The following VPS13A variants were observed in gnomAD, a reference collection of about 807,000 sequenced individuals.
VPS13A encodes the protein intermembrane lipid transfer protein VPS13A.
In VPS13A, 264 loss-of-function variants were observed where a neutral mutation model predicts 390.9. The observed-to-expected ratio is 0.68, with a 90% CI of 0.61 to 0.75. The LOEUF (loss-of-function observed/expected upper bound fraction) is 0.75. Ranked by LOEUF, VPS13A falls within the 30% of genes least tolerant of loss-of-function variation. The pLI is 0.00. For missense variants in VPS13A, 3,409 were observed against 3,733.9 expected (o/e 0.91, Z 2.27); for synonymous variants, 1,231 against 1,227.1 (o/e 1.00, Z -0.07).
In VPS13A at chr9:77,392,735, CTA is replaced by C. The variant is rs199883262; in HGVS notation, c.9190-10494_9190-10493del. 4.2e-3 allele frequency among the ~76,000 whole-genome samples: 627 copies of C among 148,326 alleles called. 7 individuals are homozygous for C. Among genetic ancestry groups the C allele is most frequent in the African/African-American group, 0.015 (590 of 40,382 alleles). On this transcript the variant is annotated intron_variant, in intron 68 of 71. Transcript: ENST00000360280. ...AAAACTATATATACACTATATAAAA[CTA>C]TATATAACTATATAAAACTATATAT...
intron 10 of VPS13A, 32 bp downstream of exon 10, chr9:77,214,418 TTAAAG>T: frequency 6.4e-7 from 1 of 1,559,544 alleles, no homozygotes; most frequent in South Asian, 1.1e-5. Flanking sequence ...AAAAAAGTAG[TTAAAG>T]TAATTGGTAT....
chr9:77,232,789 C>A (rs1823911292), intron 17 of VPS13A, among the ~76,000 whole-genome samples: 1 of 152,110 alleles, frequency 6.6e-6, no homozygotes, highest in South Asian at 2.1e-4. Flanking sequence ...CCCTCTTGAT[C>A]CAGTTACCTC....
In VPS13A at chr9:77,226,544, T is replaced by A. The variant is rs550188251; in HGVS notation, c.1303T>A (p.Trp435Arg). The change falls in exon 15 of 72, where the codon TGG becomes AGG. Residue 435 changes from tryptophan to arginine, a missense_variant. Physicochemically the swap from Trp to Arg is moderately radical, Grantham distance 101 (BLOSUM62 -3). Coordinates refer to ENST00000360280, the MANE Select transcript of VPS13A (RefSeq NM_033305.3). ...EDNKGWFSWL[W>R]SWSEQNTNEQ... is the part of the protein sequence containing the mutation. Reference sequence around the variant, plus strand: ...TAATAAAGGGTGGTTTAGCTGGCTATGGTCTTGGTCAGAACAAAATACTAA... The same window carrying A: ...TAATAAAGGGTGGTTTAGCTGGCTAAGGTCTTGGTCAGAACAAAATACTAA... 6.2e-7 allele frequency: 1 copy of A among 1,613,180 alleles called. No individual in the cohort carries two copies. Among genetic ancestry groups the A allele is most frequent in the Non-Finnish European group, 8.5e-7 (1 of 1,179,508 alleles).
chr9:77,356,689 TATG>T (rs779912734), intron 54 of VPS13A, 22 bp from the exon 55 acceptor site: 3 of 1,582,392 alleles, frequency 1.9e-6, no homozygotes, highest in Non-Finnish European at 2.6e-6. Context: ...TATTAAATAC[TATG>T]ATTTTTGCTT....
At chr9:77,356,357 C>T (rs1036349510) in intron 54 of VPS13A, among the ~76,000 whole-genome samples, 2 of 152,128 alleles carry the variant, frequency 1.3e-5, no homozygotes, top group African/African-American at 4.8e-5. Flanking sequence ...TGCAGTTCTC[C>T]GGATCCCCCT....
At chr9:77,411,241 G>A (rs1338508671) in intron 71 of VPS13A, among the ~76,000 whole-genome samples, 10 of 152,074 alleles carry the variant, frequency 6.6e-5, no homozygotes, top group East Asian at 1.9e-4. Context: ...TGAAACCAAC[G>A]AGAACAAAGA....
intron 71 of VPS13A, among the ~76,000 whole-genome samples, chr9:77,410,769 T>C (rs1313450908): frequency 4.6e-5 from 7 of 152,062 alleles, no homozygotes; most frequent in Non-Finnish European, 1.0e-4. Context: ...ATGCACCCAA[T>C]ACAGGAGCAC....
Position 77,339,540 on chromosome 9 carries a change from C to CT in VPS13A, c.6404dup (p.Ser2136LysfsTer2), listed in dbSNP as rs951347128. On this transcript the variant is annotated frameshift_variant, in exon 48 of 72. Coordinates refer to ENST00000360280, the MANE Select transcript of VPS13A (RefSeq NM_033305.3). LOFTEE classifies it high-confidence loss of function. ...GGGAATTGAAAATTCGGTTTTTACT[C>CT]TAAGTGAAGGACATTCAGCCCAGAT... The CT allele has an allele frequency of 9.0e-5, 135 of 1,500,142 alleles. No homozygotes were observed. The highest frequency in any genetic ancestry group is 1.2e-4 in the Non-Finnish European group (131 of 1,117,270). 92.9% of individuals were successfully genotyped at this position (1,500,142 alleles called of 1,614,324 possible).
At chr9:77,342,230 T>C (rs1830868777) in intron 50 of VPS13A, among the ~76,000 whole-genome samples, 2 of 152,178 alleles carry the variant, frequency 1.3e-5, no homozygotes, top group Non-Finnish European at 2.9e-5. Flanking sequence ...AAACCTTTAA[T>C]CACTTACTGT....
chr9:77,308,079 T>C lies in VPS13A; in HGVS notation c.4095T>C (p.Asn1365=), dbSNP rs558203127. ...QYSATSGVTT[N]ASHHSGGATV... is the part of the protein sequence containing the mutation. The stretch of plus-strand genomic sequence containing the variant: ...GTGCCACTAGTGGAGTTACTACTAA[T>C]GCTTCACACCATTCAGGAGGTATGT... Residue 1365 remains asparagine (N), a synonymous_variant, in exon 35 of 72, where the codon AAT becomes AAC. Transcript: ENST00000360280. 7.4e-6 allele frequency: 12 copies of C among 1,613,976 alleles called. No homozygotes were observed. In the African/African-American group the frequency reaches 1.6e-4, roughly 22 times the overall value.
chr9:77,235,290 A>G (rs1019003043), intron 17 of VPS13A, among the ~76,000 whole-genome samples: 1 of 152,074 alleles, frequency 6.6e-6, no homozygotes, highest in African/African-American at 2.4e-5. Context: ...TTTTTCCTTC[A>G]TTTTAGAAGG....
At chr9:77,413,253 A>G (rs1033109208) in intron 71 of VPS13A, among the ~76,000 whole-genome samples, 5 of 152,166 alleles carry the variant, frequency 3.3e-5, no homozygotes, top group Admixed American at 2.6e-4. Context: ...TAAAGTTCAT[A>G]TGGAACCAAA....
At chr9:77,309,535 G>A (rs952158840) in intron 35 of VPS13A, among the ~76,000 whole-genome samples, 1 of 152,078 alleles carries the variant, frequency 6.6e-6, no homozygotes, top group Admixed American at 6.6e-5. Flanking sequence ...ACATACATAT[G>A]TATCATAAAG....
intron 10 of VPS13A, among the ~76,000 whole-genome samples, chr9:77,215,742 G>A (rs1822825727): frequency 6.6e-6 from 1 of 152,258 alleles, no homozygotes; most frequent in African/African-American, 2.4e-5. Context: ...TGTAGACCTT[G>A]TTGGAGGACA....
intron 60 of VPS13A, 85 bp downstream of exon 60, chr9:77,365,658 T>C: frequency 1.2e-6 from 1 of 803,174 alleles, no homozygotes; most frequent in Non-Finnish European, 2.1e-6. Context: ...TTCAGTAATA[T>C]ATAAAATCTG....
At chr9:77,382,638 A>G (rs1833502539) in intron 68 of VPS13A, 18 of 1,011,038 alleles carry the variant, frequency 1.8e-5, no homozygotes, top group Non-Finnish European at 1.9e-5. Context: ...TGAAGAAGGA[A>G]AAGCAAAACT....
At chr9:77,255,888 G>GT (rs1208610912) in intron 22 of VPS13A, among the ~76,000 whole-genome samples, 10 of 151,570 alleles carry the variant, frequency 6.6e-5, no homozygotes, top group Admixed American at 2.6e-4. Flanking sequence ...AGTCTTTTCT[G>GT]TTTTTTTCTC....
At chr9:77,369,162 T>C in intron 62 of VPS13A, 137 bp from the exon 63 acceptor site, 1 of 691,284 alleles carries the variant, frequency 1.4e-6, no homozygotes. Flanking sequence ...TAGTGATTAA[T>C]AAAATGAGAT....
intron 52 of VPS13A, among the ~76,000 whole-genome samples, chr9:77,349,305 TCTAA>T (rs1390190500): frequency 6.6e-6 from 1 of 152,190 alleles, no homozygotes; most frequent in Non-Finnish European, 1.5e-5. Context: ...TTTTTTTCTT[TCTAA>T]CTTTTATTAT....
Sources: gnomAD v4.1 joint callset for allele counts (sites outside exome capture counted in the v4.1 genomes callset) on GRCh38, gnomAD v4.1.1 for gene constraint, MANE v1.5 for transcripts, NCBI Gene and HGNC (gene_info 2026-07-23, HGNC 2026-07-21) for gene names.